SYN3: variants seen among roughly 807,000 people sequenced by gnomAD.
SYN3 encodes the protein synapsin III.
In SYN3, 35 loss-of-function variants were observed where a neutral mutation model predicts 65.8. The ratio of observed to expected loss-of-function variants is 0.53; its 90% CI spans 0.41 to 0.70. SYN3 has a LOEUF of 0.70. Among genes scored for constraint, SYN3 ranks in the 30% least tolerant of loss-of-function variants. The probability of loss-of-function intolerance (pLI) is 0.00; values close to 1 mark genes in which losing one functional copy is unlikely to be tolerated. For missense variants in SYN3, 680 were observed against 749.0 expected (o/e 0.91, Z 1.08); for synonymous variants, 270 against 292.9 (o/e 0.92, Z 0.80).
At chr22:32,521,200 CTA>C (rs936214078) in intron 12 of SYN3, among the ~76,000 whole-genome samples, 5 of 152,286 alleles carry the variant, frequency 3.3e-5, no homozygotes, top group Admixed American at 1.3e-4. Context: ...GTCCAGAGAA[CTA>C]TTTCTCTGAA....
intron 6 of SYN3, chr22:32,634,960 A>C (rs2059794978): frequency 6.6e-6 from 1 of 151,182 alleles, no homozygotes; most frequent in Non-Finnish European, 1.5e-5. Flanking sequence ...CTCATCAGCT[A>C]TCATTAGTGT....
At chr22:32,615,032 C>A (rs549760688) in intron 6 of SYN3, among the ~76,000 whole-genome samples, 1 of 152,050 alleles carries the variant, frequency 6.6e-6, no homozygotes, top group African/African-American at 2.4e-5. Context: ...TTACCCCCAC[C>A]GTGGTTGGGA....
At chr22:32,950,583 G>T (rs974157590) in intron 3 of SYN3, among the ~76,000 whole-genome samples, 4 of 152,130 alleles carry the variant, frequency 2.6e-5, no homozygotes, top group African/African-American at 9.7e-5. Context: ...TGATTCCCAG[G>T]AGGCCCGGAT....
chr22:32,726,971 GT>G (rs35000501), intron 6 of SYN3, among the ~76,000 whole-genome samples: 57,330 of 146,566 alleles, frequency 0.39, 10,821 homozygotes, highest in South Asian at 0.51. Flanking sequence ...CTGGAATGAA[GT>G]TTTTTTTTTT....
intron 7 of SYN3, among the ~76,000 whole-genome samples, chr22:32,588,909 C>T (rs1485402223): frequency 1.3e-5 from 2 of 152,206 alleles, no homozygotes; most frequent in Non-Finnish European, 2.9e-5. Flanking sequence ...GACATGCTCA[C>T]CAGTACATGC....
chr22:32,595,462 G>A (rs2059185694), intron 7 of SYN3, among the ~76,000 whole-genome samples: 1 of 152,174 alleles, frequency 6.6e-6, no homozygotes, highest in Non-Finnish European at 1.5e-5. Context: ...ACTTGCAACT[G>A]AAGGAGTCTG....
intron 6 of SYN3, among the ~76,000 whole-genome samples, chr22:32,645,715 C>T (rs547624626): frequency 1.3e-5 from 2 of 152,278 alleles, no homozygotes; most frequent in East Asian, 3.9e-4. Context: ...GCTCCCTGCC[C>T]TCTGCTTTTG....
intron 1 of SYN3, among the ~76,000 whole-genome samples, chr22:33,013,542 ACAT>A (rs1018258943): frequency 9.2e-5 from 14 of 152,322 alleles, no homozygotes; most frequent in African/African-American, 2.6e-4. Context: ...CATCTCACAC[ACAT>A]CATTTTCTGT....
At chr22:32,539,801 A>AAAT (rs898494544) in intron 8 of SYN3, among the ~76,000 whole-genome samples, 7 of 151,794 alleles carry the variant, frequency 4.6e-5, no homozygotes, top group African/African-American at 1.7e-4. Flanking sequence ...GAAAAAAAAA[A>AAAT]ACTGGGACAA....
intron 1 of SYN3, among the ~76,000 whole-genome samples, chr22:33,021,591 G>T (rs1185989319): frequency 1.3e-5 from 2 of 152,146 alleles, no homozygotes; most frequent in Non-Finnish European, 2.9e-5. Flanking sequence ...CCTTTGCACT[G>T]TCTGTTCCTT....
At chr22:32,779,078 T>C (rs531444882) in intron 6 of SYN3, among the ~76,000 whole-genome samples, 4 of 152,160 alleles carry the variant, frequency 2.6e-5, no homozygotes, top group Non-Finnish European at 5.9e-5. Flanking sequence ...TCCAAATGAA[T>C]GTAAAATGTA....
chr22:32,840,920 A>C (rs150486879), intron 6 of SYN3, among the ~76,000 whole-genome samples: 1 of 152,054 alleles, frequency 6.6e-6, no homozygotes, highest in Non-Finnish European at 1.5e-5. Flanking sequence ...GTATCTCTCT[A>C]TCCCTGTATA....
At chr22:32,826,718 C>T (rs575680699) in intron 6 of SYN3, among the ~76,000 whole-genome samples, 2 of 152,300 alleles carry the variant, frequency 1.3e-5, no homozygotes, top group South Asian at 2.1e-4. Context: ...AAATGTACTA[C>T]GTGTCTTCAG....
intron 2 of SYN3, among the ~76,000 whole-genome samples, chr22:32,997,530 C>G (rs73410635): frequency 0.023 from 3,498 of 152,206 alleles, 140 homozygotes; most frequent in African/African-American, 0.079. Context: ...ATGGTTTCTC[C>G]ACGCTCTGCC....
Position 32,692,824 on chromosome 22 carries a change from A to T in SYN3, c.712-96088T>A, listed in dbSNP as rs1457321469. On this transcript the variant is annotated intron_variant, in intron 6 of 13. Coordinates refer to ENST00000358763, the MANE Select transcript of SYN3 (RefSeq NM_003490.4). The stretch of plus-strand genomic sequence containing the variant: ...TATACACACTTGATATTTAAATTAC[A>T]TTTCAAAATACAGGTGTACTACATG... 2.6e-5 allele frequency among the ~76,000 whole-genome samples: 4 copies of T among 152,288 alleles called. No homozygotes were observed. In the East Asian group the frequency reaches 7.7e-4, roughly 29 times the overall value.
chr22:32,960,357 GAAAT>G (rs2051609260), intron 3 of SYN3, among the ~76,000 whole-genome samples: 1 of 152,168 alleles, frequency 6.6e-6, no homozygotes, highest in Non-Finnish European at 1.5e-5. Context: ...AAGGCCGGTT[GAAAT>G]AATTCAAACT....
intron 7 of SYN3, among the ~76,000 whole-genome samples, chr22:32,574,738 C>G (rs2058827962): frequency 6.6e-6 from 1 of 152,232 alleles, no homozygotes; most frequent in African/African-American, 2.4e-5. Context: ...CATAGCTAGG[C>G]AGCGCCTTCT....
At chr22:32,952,539 G>C (rs1487917031) in intron 3 of SYN3, among the ~76,000 whole-genome samples, 1 of 152,088 alleles carries the variant, frequency 6.6e-6, no homozygotes, top group African/African-American at 2.4e-5. Flanking sequence ...AGGATTGCTT[G>C]AGCCCAGGAG....
intron 6 of SYN3, among the ~76,000 whole-genome samples, chr22:32,706,772 C>A (rs2060886543): frequency 6.6e-6 from 1 of 152,214 alleles, no homozygotes; most frequent in Admixed American, 6.5e-5. Flanking sequence ...TTCATATGTA[C>A]CCCACTGTTT....
Sources: allele counts gnomAD v4.1 joint callset (sites outside exome capture counted in the v4.1 genomes callset), GRCh38; gene constraint gnomAD v4.1.1; transcripts MANE v1.5; gene names NCBI Gene and HGNC (gene_info 2026-07-23, HGNC 2026-07-21).